The following CLOCK variants were observed in gnomAD, a reference collection of about 807,000 sequenced individuals.
CLOCK encodes the protein clock circadian regulator, also known as circadian locomoter output cycles protein kaput.
CLOCK carries 43 observed loss-of-function variants against 118.4 expected under a neutral mutation model. The observed-to-expected ratio is 0.36, with a 90% confidence interval of 0.28 to 0.47. CLOCK has a LOEUF of 0.47. Ranked by LOEUF, CLOCK falls within the 20% of genes least tolerant of loss-of-function variation. The pLI, the probability that CLOCK is intolerant of heterozygous loss-of-function variation, is 1.00. For synonymous variants in CLOCK, 326 were observed against 339.2 expected (o/e 0.96, Z 0.43); for missense variants, 846 against 999.9 (o/e 0.85, Z 2.08).
At chr4:55,464,380 A>C (rs912637569) in intron 8 of CLOCK, among the ~76,000 whole-genome samples, 2 of 152,252 alleles carry the variant, frequency 1.3e-5, no homozygotes, top group African/African-American at 4.8e-5. Flanking sequence ...TGATTAATCA[A>C]TAGCAATTTG....
chr4:55,493,589 G>A (rs17085837), intron 2 of CLOCK, among the ~76,000 whole-genome samples: 1 of 152,114 alleles, frequency 6.6e-6, no homozygotes, highest in South Asian at 2.1e-4. Context: ...AACTTGCAAA[G>A]AAAGGCCCAA....
At chr4:55,540,225 C>G (rs962908049) in intron 1 of CLOCK, among the ~76,000 whole-genome samples, 2 of 152,024 alleles carry the variant, frequency 1.3e-5, no homozygotes, top group African/African-American at 2.4e-5. Flanking sequence ...CCAGGCTGGT[C>G]TCAAACTCCT....
At chr4:55,530,816 A>C (rs991320099) in intron 1 of CLOCK, among the ~76,000 whole-genome samples, 61 of 147,250 alleles carry the variant, frequency 4.1e-4, no homozygotes, top group Admixed American at 4.2e-4. Context: ...CAGCTAAAAA[A>C]GGAAGAATGC....
chr4:55,470,600 G>A, intron 8 of CLOCK, 117 bp downstream of exon 8: 1 of 701,202 alleles, frequency 1.4e-6, no homozygotes, highest in Non-Finnish European at 2.5e-6. Flanking sequence ...TTAGAGCTCT[G>A]ATTCCTACCC....
At chr4:55,487,608 T>G (rs765980911) in intron 3 of CLOCK, among the ~76,000 whole-genome samples, 5 of 152,170 alleles carry the variant, frequency 3.3e-5, no homozygotes, top group Non-Finnish European at 7.4e-5. Flanking sequence ...ATCTCCAGAC[T>G]TCTGCTAAGA....
At chr4:55,441,638 C>T (rs1723375179) in intron 21 of CLOCK, among the ~76,000 whole-genome samples, 2 of 152,122 alleles carry the variant, frequency 1.3e-5, no homozygotes. Flanking sequence ...GAATGGAAAA[C>T]CAAACACCAT....
intron 1 of CLOCK, among the ~76,000 whole-genome samples, chr4:55,532,468 C>T (rs1457914176): frequency 6.6e-6 from 1 of 152,056 alleles, no homozygotes; most frequent in Non-Finnish European, 1.5e-5. Flanking sequence ...AGCAAAGTTT[C>T]AGGATCCGAA....
intron 1 of CLOCK, among the ~76,000 whole-genome samples, chr4:55,516,819 C>G (rs574751136): frequency 1.3e-4 from 20 of 152,140 alleles, no homozygotes; most frequent in Non-Finnish European, 2.5e-4. Context: ...ATTTTCCTCT[C>G]CTTTCTTGGT....
intron 21 of CLOCK, 42 bp downstream of exon 21, chr4:55,442,390 G>A (rs371728500): frequency 5.9e-5 from 90 of 1,515,882 alleles, no homozygotes; most frequent in African/African-American, 2.9e-4. Context: ...CTAATCAATC[G>A]GTTTACAATT....
intron 4 of CLOCK, among the ~76,000 whole-genome samples, chr4:55,480,546 G>A (rs1030947284): frequency 6.6e-6 from 1 of 152,150 alleles, no homozygotes; most frequent in Non-Finnish European, 1.5e-5. Flanking sequence ...GATTACAGGT[G>A]TGAGCTGCCG....
At chr4:55,463,638 C>T (rs1175914225) in intron 9 of CLOCK, 47 bp downstream of exon 9, 11 of 1,602,420 alleles carry the variant, frequency 6.9e-6, no homozygotes, top group Non-Finnish European at 9.4e-6. Flanking sequence ...AAGGATAGTG[C>T]TACTGAATAC....
At chr4:55,469,478 A>AG (rs1393291465) in intron 8 of CLOCK, among the ~76,000 whole-genome samples, 6 of 152,214 alleles carry the variant, frequency 3.9e-5, no homozygotes, top group African/African-American at 1.4e-4. Flanking sequence ...CTGTTATTAC[A>AG]GGAGATGACT....
At chr4:55,452,866 TTTTC>T (rs1187942802) in intron 15 of CLOCK, 184 bp downstream of exon 15, 3 of 485,472 alleles carry the variant, frequency 6.2e-6, no homozygotes, top group Non-Finnish European at 1.1e-5. Flanking sequence ...TCTCATCCAA[TTTTC>T]TTTTTAGAGG....
intron 7 of CLOCK, among the ~76,000 whole-genome samples, chr4:55,471,979 C>T (rs991710187): frequency 2.0e-5 from 3 of 151,922 alleles, no homozygotes; most frequent in Non-Finnish European, 4.4e-5. Flanking sequence ...GAGGCTGAGG[C>T]GAGATCACTT....
At chr4:55,505,594 G>A (rs1728748293) in intron 2 of CLOCK, among the ~76,000 whole-genome samples, 1 of 152,080 alleles carries the variant, frequency 6.6e-6, no homozygotes, top group Admixed American at 6.6e-5. Flanking sequence ...AGCCCTGGAA[G>A]TCCAGGCTGC....
At chr4:55,523,473 A>C (rs1010062099) in intron 1 of CLOCK, among the ~76,000 whole-genome samples, 2 of 146,040 alleles carry the variant, frequency 1.4e-5, no homozygotes, top group Admixed American at 7.2e-5. Flanking sequence ...AATTATTTAT[A>C]CGAGAATAAA....
chr4:55,510,689 G>A (rs1729090329), intron 1 of CLOCK, among the ~76,000 whole-genome samples: 1 of 150,032 alleles, frequency 6.7e-6, no homozygotes, highest in South Asian at 2.1e-4. Context: ...ATGCAAGAAT[G>A]TGTATGATCT....
Position 55,438,362 on chromosome 4 carries a change from TCTG to T in CLOCK, c.2278_2280del (p.Gln760del), listed in dbSNP as rs753230415. ...GAAGTGAGCTGCTGCTCCTGGGAGCTCTGCTGCTGCTGCTGCTGCGTTACTGAC... is the reference window on the plus strand; with the variant it reads ...GAAGTGAGCTGCTGCTCCTGGGAGCTCTGCTGCTGCTGCTGCGTTACTGAC... On this transcript the variant is annotated inframe_deletion, in exon 22 of 23. Transcript: ENST00000513440. 324 of 1,593,576 alleles carry T rather than the reference TCTG, an allele frequency of 2.0e-4. No homozygotes were observed. The highest frequency in any genetic ancestry group is 2.6e-4 in the Non-Finnish European group (299 of 1,166,170).
chr4:55,534,387 A>AT (rs1296221589), intron 1 of CLOCK, among the ~76,000 whole-genome samples: 1 of 152,082 alleles, frequency 6.6e-6, no homozygotes, highest in African/African-American at 2.4e-5. Context: ...ATGAATACTG[A>AT]TTTTTTTACC....
Sources: gnomAD v4.1 joint callset for allele counts (sites outside exome capture counted in the v4.1 genomes callset) on GRCh38, gnomAD v4.1.1 for gene constraint, MANE v1.5 for transcripts, NCBI Gene and HGNC (gene_info 2026-07-23, HGNC 2026-07-21) for gene names.